CACNA1D: variants seen among roughly 807,000 people sequenced by gnomAD.
The protein encoded by CACNA1D is voltage-dependent L-type calcium channel subunit alpha-1D.
In CACNA1D, 55 loss-of-function variants were observed where a neutral mutation model predicts 257.1. The observed-to-expected ratio is 0.21, with a 90% CI of 0.17 to 0.27. The LOEUF is 0.27. Ranked by LOEUF, CACNA1D falls within the 10% of genes least tolerant of loss-of-function variation. The pLI, the probability that CACNA1D is intolerant of heterozygous loss-of-function variation, is 1.00. For missense variants in CACNA1D, 1,876 were observed against 2,784.0 expected, an observed-to-expected ratio of 0.67 and a Z score of 7.34; for synonymous variants, 980 against 1,014.9, an observed-to-expected ratio of 0.97 and a Z score of 0.65.
At chr3:53,769,010 C>A (rs1035129583) in intron 30 of CACNA1D, among the ~76,000 whole-genome samples, 3 of 152,246 alleles carry the variant, frequency 2.0e-5, no homozygotes, top group African/African-American at 7.2e-5. Context: ...CACATGCTGG[C>A]TCTGGTTCCG....
intron 3 of CACNA1D, among the ~76,000 whole-genome samples, chr3:53,520,882 CTTTCTTTCTTTCTTTTCT>C (rs201036886): frequency 0.059 from 5,095 of 86,568 alleles, 120 homozygotes; most frequent in African/African-American, 0.15. Flanking sequence ...TTCTTTCTTT[CTTTCTTTCTTTCTTTTCT>C]TTTCTTTTCT....
At chr3:53,565,686 A>T (rs900862411) in intron 3 of CACNA1D, among the ~76,000 whole-genome samples, 5 of 152,252 alleles carry the variant, frequency 3.3e-5, no homozygotes, top group African/African-American at 1.2e-4. Flanking sequence ...TACTAATCAT[A>T]GTATGTGTGT....
rs1469548749 is a variant in CACNA1D, at chr3:53,723,846, C to T, written c.1947C>T (p.Ser649=). ...LVASLLNSMK[S]IASLLLLLFL... is the part of the protein sequence containing the mutation. ...CATCCTTATTAAACTCCATGAAGTCCATCGCTTCGCTGTTGCTTCTGCTTT... is the reference window on the plus strand; with the variant it reads ...CATCCTTATTAAACTCCATGAAGTCTATCGCTTCGCTGTTGCTTCTGCTTT... Residue 649 remains serine (S), a synonymous_variant, in exon 14 of 48, where the codon TCC becomes TCT. Coordinates refer to ENST00000350061, the MANE Select transcript of CACNA1D (RefSeq NM_001128840.3). This position sits in a 1 kb window ranked among gnomAD's most constrained non-coding sequence, Gnocchi z 5.6. 2.5e-6 allele frequency: 4 copies of T among 1,614,204 alleles called. No homozygotes were observed. The highest frequency in any genetic ancestry group is 2.2e-5 in the East Asian group (1 of 44,886).
chr3:53,685,478 CCTAATTGAT>C (rs2094466236), intron 8 of CACNA1D, among the ~76,000 whole-genome samples: 1 of 152,118 alleles, frequency 6.6e-6, no homozygotes, highest in African/African-American at 2.4e-5. Flanking sequence ...GCCAACTTGA[CCTAATTGAT>C]ATTTATAAAA....
chr3:53,672,855 T>C (rs1399730375), intron 7 of CACNA1D, among the ~76,000 whole-genome samples, 168 bp from the exon 8 acceptor site: 1 of 150,146 alleles, frequency 6.7e-6, no homozygotes, highest in Non-Finnish European at 1.5e-5. Context: ...GAATATGTGA[T>C]TAATGTGTGT....
intron 4 of CACNA1D, among the ~76,000 whole-genome samples, chr3:53,651,651 G>C (rs1389998459): frequency 1.3e-5 from 2 of 152,186 alleles, no homozygotes; most frequent in Non-Finnish European, 2.9e-5. Context: ...ATGAATCCAT[G>C]TTACAGGAAT....
chr3:53,615,313 A>G (rs1235662746), intron 3 of CACNA1D, among the ~76,000 whole-genome samples: 5 of 152,224 alleles, frequency 3.3e-5, no homozygotes, highest in African/African-American at 1.2e-4. Context: ...TGGAAATAAT[A>G]AGAGATGCAC....
intron 3 of CACNA1D, among the ~76,000 whole-genome samples, chr3:53,524,533 C>T (rs1218888631): frequency 6.6e-6 from 1 of 152,196 alleles, no homozygotes; most frequent in Non-Finnish European, 1.5e-5. Context: ...GTCCTAGGCT[C>T]AGCTAGTGCA....
At chr3:53,718,188 A>T (rs1576448665) in intron 9 of CACNA1D, 113 bp from the exon 10 acceptor site, 1 of 880,732 alleles carries the variant, frequency 1.1e-6, no homozygotes, top group Non-Finnish European at 1.9e-6. Context: ...GGCCCTTTTC[A>T]CCCTCCTCCT....
At chr3:53,542,443 G>A (rs1179809260) in intron 3 of CACNA1D, among the ~76,000 whole-genome samples, 1 of 151,986 alleles carries the variant, frequency 6.6e-6, no homozygotes, top group East Asian at 1.9e-4. Context: ...GCAGAGCATG[G>A]TGGTGGTGTG....
At chr3:53,726,755 G>T (rs2094938913) in intron 14 of CACNA1D, 124 bp from the exon 15 acceptor site, 1 of 1,091,854 alleles carries the variant, frequency 9.2e-7, no homozygotes, top group Non-Finnish European at 1.4e-6. Context: ...AGATGGATTT[G>T]TTCAGTGCAA....
In CACNA1D at chr3:53,722,354, T is replaced by G; in HGVS notation, c.1546T>G (p.Cys516Gly). The G allele has an allele frequency of 6.2e-7, 1 of 1,614,230 alleles. No homozygotes were observed. The highest frequency in any genetic ancestry group is 8.5e-7 in the Non-Finnish European group (1 of 1,180,040). ...CTGGAACCGATTCAATCGCAGAAGA[T>G]GTAGGGCCGCCGTGAAGTCTGTCAC... ...RRWNRFNRRR[C>G]RAAVKSVTFY... Residue 516 changes from cysteine (C) to glycine (G), a missense_variant, in exon 12 of 48, where the codon TGT (cysteine) becomes GGT (glycine). By Grantham distance (159) the Cys-to-Gly change is radical (BLOSUM62 -3). Around this residue, in one of 10 missense-constraint regions of CACNA1D, gnomAD observed 257 missense variants for 399.7 expected, o/e 0.64. Coordinates refer to ENST00000350061, the MANE Select transcript of CACNA1D (RefSeq NM_001128840.3).
intron 3 of CACNA1D, among the ~76,000 whole-genome samples, chr3:53,523,728 T>C (rs1040399069): frequency 1.3e-5 from 2 of 152,226 alleles, no homozygotes; most frequent in African/African-American, 4.8e-5. Flanking sequence ...AATTAGAAGG[T>C]ATTAAGAAAC....
chr3:53,643,308 G>A (rs1394334052), intron 3 of CACNA1D, among the ~76,000 whole-genome samples: 1 of 152,050 alleles, frequency 6.6e-6, no homozygotes, highest in African/African-American at 2.4e-5. Flanking sequence ...TCTCTGAGCC[G>A]ACGCCTGCCT....
At chr3:53,705,218 G>T (rs939889458) in intron 9 of CACNA1D, among the ~76,000 whole-genome samples, 2 of 152,170 alleles carry the variant, frequency 1.3e-5, no homozygotes, top group Non-Finnish European at 2.9e-5. Flanking sequence ...GGCAGGCTGG[G>T]GCGATGTGAG....
At chr3:53,694,707 C>T (rs1171830075) in intron 8 of CACNA1D, among the ~76,000 whole-genome samples, 1 of 152,070 alleles carries the variant, frequency 6.6e-6, no homozygotes, top group Admixed American at 6.6e-5. Context: ...AAATGAGGGG[C>T]TTTTTTCTGT....
At chr3:53,515,078 A>G (rs886586182) in intron 3 of CACNA1D, among the ~76,000 whole-genome samples, 1 of 152,188 alleles carries the variant, frequency 6.6e-6, no homozygotes, top group Non-Finnish European at 1.5e-5. Flanking sequence ...AGAGGGGGCT[A>G]GTTTAATGGT....
intron 2 of CACNA1D, among the ~76,000 whole-genome samples, chr3:53,500,432 C>CAA (rs34272886): frequency 6.2e-5 from 7 of 112,910 alleles, no homozygotes; most frequent in African/African-American, 1.0e-4. Context: ...GACCCCATCT[C>CAA]AAAAAAAAAA....
intron 3 of CACNA1D, among the ~76,000 whole-genome samples, chr3:53,628,176 T>A (rs575138289): frequency 6.6e-6 from 1 of 152,324 alleles, no homozygotes; most frequent in East Asian, 1.9e-4. Flanking sequence ...CACACTACTA[T>A]ACCTTAGATA....
Sources: gnomAD v4.1 joint callset for allele counts (sites outside exome capture counted in the v4.1 genomes callset) on GRCh38, gnomAD v4.1.1 for gene constraint, gnomAD v4.1.1 regional missense constraint, Gnocchi (gnomAD v3.1) non-coding constraint, MANE v1.5 for transcripts, NCBI Gene and HGNC (gene_info 2026-07-23, HGNC 2026-07-21) for gene names.